The following KIRREL1 variants were observed in gnomAD, a reference collection of about 807,000 sequenced individuals.
KIRREL1 encodes kirre like nephrin family adhesion molecule 1.
Under a neutral mutation model 83.3 loss-of-function variants are expected in KIRREL1, and 25 were observed. The ratio of observed to expected loss-of-function variants is 0.30; its 90% CI spans 0.22 to 0.42. KIRREL1 has a LOEUF of 0.42. Ranked by LOEUF, KIRREL1 falls within the 10% of genes least tolerant of loss-of-function variation. KIRREL1 has a pLI of 1.00. For synonymous variants in KIRREL1, 388 were observed against 410.4 expected, an observed-to-expected ratio of 0.95 and a Z score of 0.66; for missense variants, 812 against 1,032.3, an observed-to-expected ratio of 0.79 and a Z score of 2.92.
intron 1 of KIRREL1, among the ~76,000 whole-genome samples, chr1:158,027,157 A>G (rs2101662959): frequency 6.6e-6 from 1 of 152,350 alleles, no homozygotes; most frequent in Admixed American, 6.5e-5. Context: ...TGGGGTTCCC[A>G]AGACCCCATC....
chr1:158,039,149 A>C (rs1570939290), intron 1 of KIRREL1, among the ~76,000 whole-genome samples: 1 of 151,894 alleles, frequency 6.6e-6, no homozygotes, highest in South Asian at 2.1e-4. Flanking sequence ...TTTCAGCACC[A>C]CCCCTTCCCA....
intron 1 of KIRREL1, among the ~76,000 whole-genome samples, chr1:158,032,406 C>T (rs1002932174): frequency 6.6e-6 from 1 of 152,134 alleles, no homozygotes; most frequent in Admixed American, 6.5e-5. Flanking sequence ...TTTCCTCTAG[C>T]GTCTCAATCT....
rs1005031386 is a variant in KIRREL1 at position 158,076,677 on chromosome 1, C to T, written c.202+415C>T. On this transcript the variant is annotated intron_variant, in intron 2 of 14. Coordinates refer to ENST00000359209, the MANE Select transcript of KIRREL1 (RefSeq NM_018240.7). ...GCAAGTGTCTCATGCCGGCCTGGCT[C>T]GGCTCCAGCCTCTCTCCTCCCCGCT... 6.6e-5 allele frequency among the ~76,000 whole-genome samples: 10 copies of T among 152,344 alleles called. No homozygotes were observed. The South Asian group carries it at 2.1e-3, about 32-fold the overall frequency.
chr1:158,073,554 T>A (rs1001524395), intron 1 of KIRREL1, among the ~76,000 whole-genome samples: 1 of 152,194 alleles, frequency 6.6e-6, no homozygotes, highest in Non-Finnish European at 1.5e-5. Flanking sequence ...GCAAATAACT[T>A]GGCCAAGGTC....
chr1:158,052,646 C>T (rs930339774), intron 1 of KIRREL1, among the ~76,000 whole-genome samples: 7 of 151,168 alleles, frequency 4.6e-5, no homozygotes, highest in African/African-American at 7.3e-5. Flanking sequence ...AATAGCCGGG[C>T]GTGGTGGCGG....
At chr1:158,001,828 GAAAAGCCAGGCCAAAGAC>G (rs1659369904) in intron 1 of KIRREL1, among the ~76,000 whole-genome samples, 1 of 152,158 alleles carries the variant, frequency 6.6e-6, no homozygotes, top group South Asian at 2.1e-4. Flanking sequence ...AGGAGGCCTG[GAAAAGCCAGGCCAAAGAC>G]TTCTTGCAAA....
chr1:158,065,193 C>A (rs1661327009), intron 1 of KIRREL1, among the ~76,000 whole-genome samples: 2 of 152,054 alleles, frequency 1.3e-5, no homozygotes, highest in Admixed American at 1.3e-4. Context: ...GGAGACTGTT[C>A]CTAAAAGTGC....
chr1:158,016,132 C>T (rs1462229896), intron 1 of KIRREL1, among the ~76,000 whole-genome samples: 1 of 151,978 alleles, frequency 6.6e-6, no homozygotes, highest in African/African-American at 2.4e-5. Context: ...GGTGAAACCC[C>T]ATCTCTACTA....
At chr1:158,069,345 A>ATGTGT (rs1558009733) in intron 1 of KIRREL1, among the ~76,000 whole-genome samples, 33 of 136,032 alleles carry the variant, frequency 2.4e-4, no homozygotes, top group African/African-American at 9.8e-4. Context: ...TGTGTGTGTG[A>ATGTGT]ATCTAAGCAT....
chr1:158,088,449 A>G lies in KIRREL1; in HGVS notation c.1039A>G (p.Asn347Asp). ...TCTCACCTGGACCAAAAAGGACTCA[A>G]ATATGGTAAGACTCTTACTGCCTGT... ...LTLTWTKKDS[N>D]MVLSNSNQLL... The change falls in exon 8 of 15, where the codon AAT becomes GAT. Residue 347 changes from asparagine to aspartate, a missense_variant. Physicochemically the swap from Asn to Asp is conservative, Grantham distance 23. Around this residue, in one of 3 missense-constraint regions of KIRREL1, gnomAD observed 472 missense variants for 626.8 expected, o/e 0.75. Transcript: ENST00000359209. 2 of 1,592,044 alleles carry G rather than the reference A, an allele frequency of 1.3e-6. No homozygotes were observed. Among genetic ancestry groups the G allele is most frequent in the Non-Finnish European group, 8.5e-7 (1 of 1,172,958 alleles).
intron 1 of KIRREL1, among the ~76,000 whole-genome samples, chr1:158,022,401 A>G (rs1029012213): frequency 2.0e-5 from 3 of 152,218 alleles, no homozygotes; most frequent in African/African-American, 7.2e-5. Context: ...TATGAAACTG[A>G]AGATCAGAGA....
In KIRREL1 at chr1:158,094,986, T is replaced by A; in HGVS notation, c.2140T>A (p.Ser714Thr). The change falls in exon 15 of 15, where the codon TCT becomes ACT. Residue 714 changes from serine to threonine, a missense_variant. Ser to Thr is a moderately conservative substitution (Grantham distance 58). Coordinates refer to ENST00000359209, the MANE Select transcript of KIRREL1 (RefSeq NM_018240.7). This position sits in a 1 kb window ranked among gnomAD's most constrained non-coding sequence, Gnocchi z 4.6. ...ACTGGGCTACCCCCAGGCCCCACCC[T>A]CTGGCCTGGAGCGGACCCCATATGA... Reference protein sequence around the residue: ...YRLGYPQAPPSGLERTPYEAY... With the variant: ...YRLGYPQAPPTGLERTPYEAY... The A allele has an allele frequency of 1.2e-6, 2 of 1,613,976 alleles. No homozygotes were observed. The highest frequency in any genetic ancestry group is 1.7e-6 in the Non-Finnish European group (2 of 1,179,948).
In KIRREL1 at chr1:158,094,430, G is replaced by A. The variant is rs1040429197; in HGVS notation, c.1797+40G>A. On this transcript the variant is annotated intron_variant, in intron 14 of 14. Transcript: ENST00000359209. The surrounding 1 kb of genome is among the most constrained non-coding windows in gnomAD (Gnocchi z 4.6). Reference sequence around the variant, plus strand: ...AGGGGCCAGGGCATGAGGGCTGGTGGGCCAGTGGGTTTCTGAGGTCCTGTA... The same window carrying A: ...AGGGGCCAGGGCATGAGGGCTGGTGAGCCAGTGGGTTTCTGAGGTCCTGTA... 1.7e-5 allele frequency: 27 copies of A among 1,586,978 alleles called. No individual in the cohort carries two copies. The highest frequency in any genetic ancestry group is 2.3e-5 in the Non-Finnish European group (27 of 1,158,554).
chr1:157,998,826 G>A (rs1659275093), intron 1 of KIRREL1, among the ~76,000 whole-genome samples: 2 of 152,142 alleles, frequency 1.3e-5, no homozygotes, highest in Admixed American at 6.5e-5. Flanking sequence ...AAAAGTGATT[G>A]TAGGAGGTGA....
intron 1 of KIRREL1, among the ~76,000 whole-genome samples, chr1:158,051,047 C>T (rs1660896986): frequency 6.6e-6 from 1 of 152,268 alleles, no homozygotes; most frequent in Non-Finnish European, 1.5e-5. Flanking sequence ...GAAAAGACAT[C>T]TGTCCACTGT....
intron 1 of KIRREL1, among the ~76,000 whole-genome samples, chr1:158,050,025 C>A (rs370867306): frequency 3.3e-5 from 5 of 152,058 alleles, no homozygotes; most frequent in Non-Finnish European, 7.4e-5. Context: ...GGATGAGGAC[C>A]AAGGACTTGG....
chr1:158,051,615 C>T (rs1660912383), intron 1 of KIRREL1, among the ~76,000 whole-genome samples: 1 of 152,076 alleles, frequency 6.6e-6, no homozygotes, highest in South Asian at 2.1e-4. Context: ...TTCTCCCTTC[C>T]ACTCTCTTCC....
Position 158,095,066 on chromosome 1 carries a change from C to T in KIRREL1, c.2220C>T (p.Ser740=), listed in dbSNP as rs1397313116. 1 of 1,612,524 alleles carries T rather than the reference C, an allele frequency of 6.2e-7. No individual in the cohort carries two copies. The highest frequency in any genetic ancestry group is 1.7e-5 in the Admixed American group (1 of 59,930). ...CAGCCACTCGATTCTCCTACACCTC[C>T]CAGCACTCGGACTACGGCCAGCGAT... ...YATATRFSYT[S]QHSDYGQRFQ... Residue 740 remains serine (S), a synonymous_variant, in exon 15 of 15, where the codon TCC becomes TCT. Transcript: ENST00000359209.
intron 1 of KIRREL1, among the ~76,000 whole-genome samples, chr1:158,068,000 G>A (rs1232942496): frequency 6.6e-6 from 1 of 152,200 alleles, no homozygotes; most frequent in Non-Finnish European, 1.5e-5. Context: ...GAGACGGACA[G>A]AAGGGAGGCG....
Sources: allele counts gnomAD v4.1 joint callset (sites outside exome capture counted in the v4.1 genomes callset), GRCh38; gene constraint gnomAD v4.1.1; regional missense constraint gnomAD v4.1.1; non-coding constraint Gnocchi (gnomAD v3.1); transcripts MANE v1.5; gene names NCBI Gene and HGNC (gene_info 2026-07-23, HGNC 2026-07-21).